Variants in ACAN observed in about 807,000 individuals in gnomAD.
ACAN encodes aggrecan, also known as aggrecan core protein.
ACAN carries 47 observed loss-of-function variants against 169.1 expected under a neutral mutation model. That is an observed-to-expected ratio of 0.28 (90% CI 0.22 to 0.35). The LOEUF (loss-of-function observed/expected upper bound fraction) is 0.35, where lower values mean the gene tolerates loss of function less well. Among genes scored for constraint, ACAN ranks in the 10% least tolerant of loss-of-function variants. ACAN has a pLI of 1.00. For missense variants in ACAN, 2,716 were observed against 2,759.9 expected (o/e 0.98, Z 0.36); for synonymous variants, 1,115 against 1,112.2 (o/e 1.00, Z -0.05).
chr15:88,852,381 C>T (rs1036167286), intron 11 of ACAN, among the ~76,000 whole-genome samples: 4 of 152,192 alleles, frequency 2.6e-5, no homozygotes, highest in Non-Finnish European at 5.9e-5. Context: ...TAACCTCAAC[C>T]CTCTCTTGTG....
intron 6 of ACAN, among the ~76,000 whole-genome samples, chr15:88,845,215 G>A (rs1255220187): frequency 6.6e-6 from 1 of 152,252 alleles, no homozygotes; most frequent in East Asian, 1.9e-4. Flanking sequence ...TGAGCAGGAA[G>A]GGCTGTTGGG....
At chr15:88,805,637 G>C (rs1895659907) in intron 1 of ACAN, among the ~76,000 whole-genome samples, 1 of 152,200 alleles carries the variant, frequency 6.6e-6, no homozygotes, top group Non-Finnish European at 1.5e-5. Flanking sequence ...ATAAACAGCA[G>C]ATATGAGATG....
rs1162747201 is a variant in ACAN, at chr15:88,843,579, G to A, written c.982G>A (p.Val328Ile). The A allele has an allele frequency of 6.2e-6, 10 of 1,608,670 alleles. No homozygotes were observed. The highest frequency in any genetic ancestry group is 1.7e-5 in the Admixed American group (1 of 59,900). Reference protein sequence around the residue: ...CGGNLLGVRTVYVHANQTGYP... With the variant: ...CGGNLLGVRTIYVHANQTGYP... Reference sequence around the variant, plus strand: ...TGGCAACCTCCTGGGCGTGAGGACCGTCTACGTGCATGCCAACCAGACGGG... The same window carrying A: ...TGGCAACCTCCTGGGCGTGAGGACCATCTACGTGCATGCCAACCAGACGGG... Residue 328 changes from valine to isoleucine, a missense_variant, in exon 6 of 19, where the codon GTC becomes ATC. Physicochemically the swap from Val to Ile is conservative, Grantham distance 29. This residue lies in a region of ACAN where 1,283 missense variants were observed against 1,281.5 expected (regional missense o/e 1.00). Transcript: ENST00000560601. This position sits in a 1 kb window ranked among gnomAD's most constrained non-coding sequence, Gnocchi z 4.0.
At chr15:88,859,697 G>A (rs938736826) in intron 12 of ACAN, among the ~76,000 whole-genome samples, 1 of 152,230 alleles carries the variant, frequency 6.6e-6, no homozygotes, top group Non-Finnish European at 1.5e-5. Flanking sequence ...GTAAAGATGA[G>A]TGATGTTATC....
In ACAN at chr15:88,807,764, G is replaced by GTGTT. The variant is rs1449784698; in HGVS notation, c.-8+3958_-8+3959insTTGT. Reference sequence around the variant, plus strand: ...AGTGGTGGAGTGTGTGTGTGTGTGTGTGTGTGTGTGTGTGTGTGTGTGCAT... The same window carrying GTGTT: ...AGTGGTGGAGTGTGTGTGTGTGTGTGTGTTTGTGTGTGTGTGTGTGTGTGTGCAT... On this transcript the variant is annotated intron_variant, in intron 1 of 18. Transcript: ENST00000560601. This position sits in a 1 kb window ranked among gnomAD's most constrained non-coding sequence, Gnocchi z 4.0. Among the ~76,000 whole-genome samples, 1 of 151,610 alleles carries GTGTT rather than the reference G, an allele frequency of 6.6e-6. No individual in the cohort carries two copies. The highest frequency in any genetic ancestry group is 6.6e-5 in the Admixed American group (1 of 15,248).
chr15:88,836,293 A>T lies in ACAN; in HGVS notation c.70+17A>T. 6.2e-7 allele frequency: 1 copy of T among 1,604,972 alleles called. No individual in the cohort carries two copies. Among genetic ancestry groups the T allele is most frequent in the Non-Finnish European group, 8.5e-7 (1 of 1,172,432 alleles). On this transcript the variant is annotated intron_variant, in intron 2 of 18. Transcript: ENST00000560601. ...AAACTTCAGGTGAGGACATTCCTAT[A>T]CATGTTTCACGTATTCAGTAGGCAT...
At position 88,871,530 on chromosome 15, in the gene ACAN, G is replaced by A. The variant is rs1567194241; in HGVS notation, c.7209G>A (p.Glu2403=). The stretch of plus-strand genomic sequence containing the variant: ...GCATCGTCACCCCCGAGGAGCAGGA[G>A]TTTGTCAACAGTGAGTGCGGCGGGG... The part of the protein sequence containing the change: ...LSSIVTPEEQ[E]FVNNNAQDYQ... The change falls in exon 15 of 19, where the codon GAG becomes GAA. Residue 2403 remains glutamate, a synonymous_variant. Coordinates refer to ENST00000560601, the MANE Select transcript of ACAN (RefSeq NM_001369268.1). The surrounding 1 kb of genome is among the most constrained non-coding windows in gnomAD (Gnocchi z 7.8). 4 of 1,612,922 alleles carry A rather than the reference G, an allele frequency of 2.5e-6. No homozygotes were observed. The highest frequency in any genetic ancestry group is 3.4e-6 in the Non-Finnish European group (4 of 1,179,526).
Position 88,852,038 on chromosome 15 carries a change from G to T in ACAN, c.2266+5G>T. On this transcript the variant is annotated splice_donor_5th_base_variant and intron_variant, in intron 11 of 18. Coordinates refer to ENST00000560601, the MANE Select transcript of ACAN (RefSeq NM_001369268.1). ...TGGGCACATCCCCGCTGCCAGGTTG[G>T]TATGGCTTGGGTTCTGGGGCACACC... 3.1e-6 allele frequency: 5 copies of T among 1,589,296 alleles called. No individual in the cohort carries two copies. Among genetic ancestry groups the T allele is most frequent in the Non-Finnish European group, 4.3e-6 (5 of 1,168,184 alleles).
intron 6 of ACAN, among the ~76,000 whole-genome samples, chr15:88,844,758 A>T (rs189748648): frequency 0.014 from 2,086 of 152,348 alleles, 18 homozygotes; most frequent in Middle Eastern, 0.02. Flanking sequence ...ATAAGTTTTT[A>T]TCTTACATTT....
chr15:88,853,681 T>TTA (rs746005986), intron 11 of ACAN, among the ~76,000 whole-genome samples: 34 of 152,244 alleles, frequency 2.2e-4, no homozygotes, highest in Non-Finnish European at 3.8e-4. Context: ...GAGGGAACTG[T>TTA]TATATTATGA....
At position 88,843,318 on chromosome 15, in the gene ACAN, G is replaced by A; in HGVS notation, c.758-37G>A. ...GGGGATGCAGAGCAGGGGGAGGGGG[G>A]AGAAGACCCTTACCCAGCTGGCTGT... On this transcript the variant is annotated intron_variant, in intron 5 of 18. Coordinates refer to ENST00000560601, the MANE Select transcript of ACAN (RefSeq NM_001369268.1). This position sits in a 1 kb window ranked among gnomAD's most constrained non-coding sequence, Gnocchi z 4.0. 1 of 1,501,750 alleles carries A rather than the reference G, an allele frequency of 6.7e-7. No homozygotes were observed. Among genetic ancestry groups the A allele is most frequent in the Non-Finnish European group, 9.0e-7 (1 of 1,114,902 alleles). 93.0% of individuals were successfully genotyped at this position (1,501,750 alleles called of 1,614,324 possible). A position where few individuals can be genotyped will look rare whatever the true frequency, so the allele number is the denominator to read the frequency against.
At chr15:88,813,493 G>C (rs561853297) in intron 1 of ACAN, among the ~76,000 whole-genome samples, 7 of 152,216 alleles carry the variant, frequency 4.6e-5, no homozygotes, top group Non-Finnish European at 1.0e-4. Context: ...ACTGAGGAGA[G>C]GGATGGCCAC....
At chr15:88,848,098 AC>A in intron 9 of ACAN, 60 bp downstream of exon 9, 1 of 1,587,566 alleles carries the variant, frequency 6.3e-7, no homozygotes, top group Non-Finnish European at 8.6e-7. Flanking sequence ...CAGGGAGCTG[AC>A]AGGGCGATAC....
chr15:88,822,340 AG>A (rs1896097728), intron 1 of ACAN, among the ~76,000 whole-genome samples: 2 of 152,248 alleles, frequency 1.3e-5, no homozygotes, highest in African/African-American at 4.8e-5. Context: ...GCTGCACAGA[AG>A]GACTGCTCTG....
At chr15:88,833,671 T>A (rs1170854196) in intron 1 of ACAN, among the ~76,000 whole-genome samples, 3 of 145,028 alleles carry the variant, frequency 2.1e-5, no homozygotes, top group African/African-American at 2.5e-5. Flanking sequence ...AGTTTGTCTT[T>A]AAAAAAAAAA....
chr15:88,865,639 C>T (rs1387536678), intron 13 of ACAN, among the ~76,000 whole-genome samples: 1 of 152,076 alleles, frequency 6.6e-6, no homozygotes, highest in African/African-American at 2.4e-5. Context: ...GAAGCCTGCC[C>T]ATTGCCCAAA....
In ACAN at chr15:88,871,854, C is replaced by G; in HGVS notation, c.7220-149C>G. The G allele has an allele frequency of 1.3e-6, 1 of 764,718 alleles. No homozygotes were observed. 47.4% of individuals were successfully genotyped at this position (764,718 alleles called of 1,614,324 possible). A position where few individuals can be genotyped will look rare whatever the true frequency, so the allele number is the denominator to read the frequency against. On this transcript the variant is annotated intron_variant, in intron 15 of 18. Coordinates refer to ENST00000560601, the MANE Select transcript of ACAN (RefSeq NM_001369268.1). This position sits in a 1 kb window ranked among gnomAD's most constrained non-coding sequence, Gnocchi z 7.8. ...CTCCAGGCATGCACGTGCTGAGCCT[C>G]TTGTGAGGACCTGAGAAGCACGTGC...
rs368163315 is a variant in ACAN at position 88,859,312 on chromosome 15, T to C, written c.6727T>C (p.Tyr2243His). ...HLEIESSSLL[Y>H]SGEETHTVET... ...AGAAATTGAGTCCTCAAGCCTCCTG[T>C]ACTCAGGAGAAGAGACTCACACAGT... The change falls in exon 12 of 19, where the codon TAC (tyrosine) becomes CAC (histidine). Residue 2243 changes from tyrosine (Y) to histidine (H), a missense_variant. Tyr to His is a moderately conservative substitution (Grantham distance 83, BLOSUM62 2). Transcript: ENST00000560601. The C allele has an allele frequency of 2.0e-5, 33 of 1,611,252 alleles. No individual in the cohort carries two copies. The highest frequency in any genetic ancestry group is 3.4e-5 in the Admixed American group (2 of 59,544).
intron 1 of ACAN, among the ~76,000 whole-genome samples, chr15:88,827,631 T>C (rs1896256958): frequency 1.3e-5 from 2 of 152,304 alleles, no homozygotes; most frequent in Admixed American, 6.5e-5. Flanking sequence ...TCAGTGCCCA[T>C]AGTAGGTGCT....
Sources: gnomAD v4.1 joint callset for allele counts (sites outside exome capture counted in the v4.1 genomes callset) on GRCh38, gnomAD v4.1.1 for gene constraint, gnomAD v4.1.1 regional missense constraint, Gnocchi (gnomAD v3.1) non-coding constraint, MANE v1.5 for transcripts, NCBI Gene and HGNC (gene_info 2026-07-23, HGNC 2026-07-21) for gene names.